TMCO5A: variants seen among roughly 807,000 people sequenced by gnomAD.
The protein encoded by TMCO5A is transmembrane and coiled-coil domain-containing protein 5A.
Under a neutral mutation model 42.3 loss-of-function variants are expected in TMCO5A, and 34 were observed. That is an observed-to-expected ratio of 0.80 (90% CI 0.61 to 1.07). TMCO5A has a LOEUF of 1.07. Ranked by LOEUF, TMCO5A falls within the 50% of genes least tolerant of loss-of-function variation. TMCO5A has a pLI of 0.00. For missense variants in TMCO5A, 357 were observed against 327.9 expected, an observed-to-expected ratio of 1.09 and a Z score of -0.69; for synonymous variants, 131 against 115.6, an observed-to-expected ratio of 1.13 and a Z score of -0.86.
At chr15:37,957,534 G>A (rs1393161836) in intron 11 of TMCO5A, among the ~76,000 whole-genome samples, 3 of 152,052 alleles carry the variant, frequency 2.0e-5, no homozygotes, top group Non-Finnish European at 4.4e-5. Context: ...AACTTACAAG[G>A]GATGTGAAGG....
At chr15:37,948,700 CA>C (rs1431471414) in intron 11 of TMCO5A, among the ~76,000 whole-genome samples, 3 of 152,028 alleles carry the variant, frequency 2.0e-5, no homozygotes, top group Non-Finnish European at 4.4e-5. Flanking sequence ...CTAATCATGT[CA>C]AACTATAAAT....
Position 37,936,359 on chromosome 15 carries a change from C to G in TMCO5A, c.36C>G (p.Asn12Lys). 1 of 1,612,516 alleles carries G rather than the reference C, an allele frequency of 6.2e-7. No homozygotes were observed. ...EISRLAQSKRNIISLNMDLER... is the reference protein window; with the variant it reads ...EISRLAQSKRKIISLNMDLER... ...CAAGATTGGCTCAGTCAAAAAGAAA[C>G]ATTATCAGTTTGAACATGGACCTTG... is the stretch of plus-strand genomic sequence containing the variant. The change falls in exon 3 of 12, where the codon AAC (asparagine) becomes AAG (lysine). Residue 12 changes from asparagine (N) to lysine (K), a missense_variant. Physicochemically the swap from Asn to Lys is moderately conservative, Grantham distance 94 (BLOSUM62 0). Transcript: ENST00000319669.
chr15:37,986,391 G>T, the TMCO5A span, among the ~76,000 whole-genome samples: 1 of 145,118 alleles, frequency 6.9e-6, no homozygotes, highest in Non-Finnish European at 1.5e-5. Context: ...GTGTGTGTGT[G>T]TGTGTGTGTG....
intron 10 of TMCO5A, among the ~76,000 whole-genome samples, chr15:37,946,402 G>A (rs1257657156): frequency 6.6e-6 from 1 of 152,086 alleles, no homozygotes; most frequent in Non-Finnish European, 1.5e-5. Flanking sequence ...TGTGAAAAAT[G>A]TCAATAGTAG....
the TMCO5A span, among the ~76,000 whole-genome samples, chr15:37,999,182 A>C: frequency 6.6e-6 from 1 of 152,236 alleles, no homozygotes; most frequent in Admixed American, 6.5e-5. Context: ...CTGGGATTAC[A>C]GGCGTGAGCC....
intron 5 of TMCO5A, 32 bp from the exon 6 acceptor site, chr15:37,938,126 T>C (rs760125369): frequency 1.3e-6 from 2 of 1,534,678 alleles, no homozygotes; most frequent in East Asian, 4.9e-5. Context: ...CTACACCTTT[T>C]AATTTAGTAT....
rs1165698127 is a variant in TMCO5A at position 37,936,872 on chromosome 15, C to CG, written c.170dup (p.Leu58ProfsTer5). On this transcript the variant is annotated frameshift_variant, in exon 4 of 12. Transcript: ENST00000319669. LOFTEE classifies it high-confidence loss of function. ...GCTGGAAAGTGAGATCATTCAGACG[C>CG]GGGGCCTGGTGGAAGATGAAGAGTG... 6.2e-6 allele frequency: 10 copies of CG among 1,611,864 alleles called. No individual in the cohort carries two copies. The highest frequency in any genetic ancestry group is 8.5e-6 in the Non-Finnish European group (10 of 1,178,982).
the TMCO5A span, among the ~76,000 whole-genome samples, chr15:37,977,990 G>C: frequency 6.6e-6 from 1 of 152,172 alleles, no homozygotes; most frequent in East Asian, 1.9e-4. Context: ...GGCACTCAGG[G>C]TCTTTGTTCC....
chr15:38,036,481 TTG>T, the TMCO5A span, among the ~76,000 whole-genome samples: 50 of 103,690 alleles, frequency 4.8e-4, no homozygotes, highest in South Asian at 6.7e-4. Context: ...CTCTCTGTTT[TTG>T]TCTCTCTCTC....
chr15:37,946,558 T>C (rs1201110704), intron 10 of TMCO5A, among the ~76,000 whole-genome samples: 1 of 152,188 alleles, frequency 6.6e-6, no homozygotes, highest in Non-Finnish European at 1.5e-5. Flanking sequence ...TTTGTAGTTC[T>C]CCTTGAAGGA....
chr15:37,941,224 A>G lies in TMCO5A; in HGVS notation c.444+19A>G, dbSNP rs781502049. 12 of 1,610,894 alleles carry G rather than the reference A, an allele frequency of 7.4e-6. No homozygotes were observed. Among genetic ancestry groups the G allele is most frequent in the Middle Eastern group, 1.7e-4 (1 of 6,046 alleles). On this transcript the variant is annotated intron_variant, in intron 7 of 11. Coordinates refer to ENST00000319669, the MANE Select transcript of TMCO5A (RefSeq NM_152453.4). ...GCTCAAGGTAACAGCAGGAACTTCAATGTGACTTCTCCCCAAAAAGGGAAA... is the reference window on the plus strand; with the variant it reads ...GCTCAAGGTAACAGCAGGAACTTCAGTGTGACTTCTCCCCAAAAAGGGAAA...
At chr15:37,973,769 G>T in the TMCO5A span, among the ~76,000 whole-genome samples, 1 of 152,098 alleles carries the variant, frequency 6.6e-6, no homozygotes, top group African/African-American at 2.4e-5. Flanking sequence ...TCTTTCTCTT[G>T]CCTGATTGCT....
chr15:37,990,013 T>A, the TMCO5A span, among the ~76,000 whole-genome samples: 3 of 152,106 alleles, frequency 2.0e-5, no homozygotes, highest in Non-Finnish European at 4.4e-5. Flanking sequence ...ATCTCTCTTT[T>A]TAAATCTATT....
the TMCO5A span, among the ~76,000 whole-genome samples, chr15:37,976,770 TTCTTTC>T: frequency 6.6e-6 from 1 of 151,052 alleles, no homozygotes; most frequent in African/African-American, 2.4e-5. Context: ...TTTGGTTTCT[TTCTTTC>T]TTTCTTTTTC....
the TMCO5A span, among the ~76,000 whole-genome samples, chr15:37,982,187 G>A: frequency 6.6e-6 from 1 of 152,096 alleles, no homozygotes; most frequent in African/African-American, 2.4e-5. Context: ...AGATGTGGAT[G>A]ATAAAGTATT....
At chr15:38,028,040 G>T in the TMCO5A span, among the ~76,000 whole-genome samples, 1 of 152,100 alleles carries the variant, frequency 6.6e-6, no homozygotes, top group African/African-American at 2.4e-5. Flanking sequence ...GCATATAATA[G>T]GTACTCAATA....
intron 11 of TMCO5A, among the ~76,000 whole-genome samples, chr15:37,965,944 T>C (rs115442200): frequency 1.3e-3 from 195 of 152,148 alleles, no homozygotes; most frequent in African/African-American, 4.4e-3. Context: ...ATTGAAGAGC[T>C]ATCTACACTT....
At chr15:38,000,785 A>G in the TMCO5A span, among the ~76,000 whole-genome samples, 1 of 152,042 alleles carries the variant, frequency 6.6e-6, no homozygotes, top group Non-Finnish European at 1.5e-5. Context: ...TCAGAAACAT[A>G]CTGTTTACCA....
the TMCO5A span, among the ~76,000 whole-genome samples, chr15:38,023,483 T>C: frequency 1.3e-5 from 2 of 152,160 alleles, no homozygotes; most frequent in South Asian, 2.1e-4. Context: ...TGATCAGAGA[T>C]CCAAGAATGT....
Sources: allele counts gnomAD v4.1 joint callset (sites outside exome capture counted in the v4.1 genomes callset), GRCh38; gene constraint gnomAD v4.1.1; transcripts MANE v1.5; gene names NCBI Gene and HGNC (gene_info 2026-07-23, HGNC 2026-07-21).